Variants in PATJ observed in about 807,000 individuals in gnomAD.
PATJ encodes the protein PATJ crumbs cell polarity complex component, also known as inaD-like protein.
PATJ carries 190 observed loss-of-function variants against 224.9 expected under a neutral mutation model. The observed-to-expected ratio is 0.84, with a 90% CI of 0.75 to 0.95. The LOEUF is 0.95. Ranked by LOEUF, PATJ falls within the 40% of genes least tolerant of loss-of-function variation. The pLI is 0.00. For synonymous variants in PATJ, 769 were observed against 820.3 expected (o/e 0.94, Z 1.07); for missense variants, 2,121 against 2,270.3 (o/e 0.93, Z 1.34).
At chr1:61,901,121 CAT>C (rs1264209346) in intron 23 of PATJ, among the ~76,000 whole-genome samples, 159 bp from the exon 24 acceptor site, 1 of 152,150 alleles carries the variant, frequency 6.6e-6, no homozygotes, top group East Asian at 1.9e-4. Flanking sequence ...TTATTGATAA[CAT>C]AATGTTGGAA....
intron 22 of PATJ, 40 bp downstream of exon 22, chr1:61,884,448 GT>G: frequency 1.5e-6 from 1 of 651,980 alleles, no homozygotes; most frequent in Non-Finnish European, 2.1e-6. Flanking sequence ...TTATAAAATA[GT>G]GGTTTTTTTT....
intron 27 of PATJ, among the ~76,000 whole-genome samples, chr1:61,947,862 C>CAG (rs1285540571): frequency 6.6e-6 from 1 of 152,148 alleles, no homozygotes; most frequent in Non-Finnish European, 1.5e-5. Context: ...GGTACCAAAA[C>CAG]AGAGATATAG....
chr1:62,099,593 A>G (rs902334815), intron 33 of PATJ, among the ~76,000 whole-genome samples: 6 of 152,096 alleles, frequency 3.9e-5, no homozygotes, highest in African/African-American at 1.4e-4. Flanking sequence ...GATTGAGTTT[A>G]ATTCCAGAGT....
At chr1:62,067,175 G>A (rs868257955) in intron 31 of PATJ, among the ~76,000 whole-genome samples, 9 of 135,214 alleles carry the variant, frequency 6.7e-5, no homozygotes, top group Admixed American at 3.5e-4. Context: ...CACCCAGGCT[G>A]GAGTGCAGTG....
chr1:62,032,852 CTT>C (rs1365193398), intron 29 of PATJ, among the ~76,000 whole-genome samples: 1 of 152,084 alleles, frequency 6.6e-6, no homozygotes, highest in Admixed American at 6.5e-5. Flanking sequence ...CCTCAAGAAA[CTT>C]ATAATCACGG....
intron 21 of PATJ, among the ~76,000 whole-genome samples, chr1:61,878,681 T>TA (rs1667673293): frequency 1.3e-5 from 2 of 149,842 alleles, no homozygotes; most frequent in Admixed American, 6.6e-5. Flanking sequence ...CCATCTCTAT[T>TA]TAAAAAAAAA....
intron 27 of PATJ, among the ~76,000 whole-genome samples, chr1:61,979,575 C>T (rs909962015): frequency 3.3e-5 from 5 of 151,404 alleles, no homozygotes; most frequent in African/African-American, 1.2e-4. Context: ...GTGGCTTGAA[C>T]TCGGGAGGCG....
chr1:61,873,136 G>C (rs1666867159), intron 20 of PATJ, among the ~76,000 whole-genome samples: 1 of 151,858 alleles, frequency 6.6e-6, no homozygotes, highest in Non-Finnish European at 1.5e-5. Context: ...CTATAAAATA[G>C]TCATTTAAAT....
chr1:62,155,152 G>C (rs1669052766), intron 43 of PATJ, among the ~76,000 whole-genome samples: 1 of 152,164 alleles, frequency 6.6e-6, no homozygotes, highest in African/African-American at 2.4e-5. Flanking sequence ...CAGTGGGAAG[G>C]CTGCAGAGTT....
chr1:62,054,361 TC>T, intron 31 of PATJ: 1 of 438,518 alleles, frequency 2.3e-6, no homozygotes. Context: ...AAACCCTGTG[TC>T]CAAAAAAAAA....
At chr1:62,112,288 C>T (rs1663922955) in intron 34 of PATJ, among the ~76,000 whole-genome samples, 1 of 151,930 alleles carries the variant, frequency 6.6e-6, no homozygotes, top group African/African-American at 2.4e-5. Flanking sequence ...GGTGGATCAC[C>T]TAAGGTCAAG....
At chr1:61,878,168 C>T (rs551874849) in intron 21 of PATJ, among the ~76,000 whole-genome samples, 1 of 152,306 alleles carries the variant, frequency 6.6e-6, no homozygotes, top group African/African-American at 2.4e-5. Context: ...GAACCAGTTT[C>T]CTGTTCTGAA....
At chr1:61,893,499 TTC>T (rs199748342) in intron 22 of PATJ, among the ~76,000 whole-genome samples, 3 of 146,026 alleles carry the variant, frequency 2.1e-5, no homozygotes, top group South Asian at 2.2e-4. Context: ...TTTTTTTTTT[TTC>T]GCCAATTAAA....
At chr1:61,930,931 G>C (rs951662215) in intron 27 of PATJ, among the ~76,000 whole-genome samples, 1 of 152,078 alleles carries the variant, frequency 6.6e-6, no homozygotes, top group South Asian at 2.1e-4. Flanking sequence ...TGAAACTCCC[G>C]ACCTCAGGTG....
chr1:61,851,870 A>G (rs756705296), intron 17 of PATJ, among the ~76,000 whole-genome samples: 3 of 152,052 alleles, frequency 2.0e-5, no homozygotes, highest in South Asian at 2.1e-4. Flanking sequence ...GAGCAACTCA[A>G]TGGAGGGGTG....
At chr1:62,027,745 C>T (rs146685906) in intron 29 of PATJ, among the ~76,000 whole-genome samples, 2 of 146,844 alleles carry the variant, frequency 1.4e-5, no homozygotes, top group African/African-American at 2.5e-5. Context: ...TGATATTGAG[C>T]ATCTTTTCAT....
chr1:61,875,606 C>A, intron 21 of PATJ: 1 of 337,610 alleles, frequency 3.0e-6, no homozygotes, highest in Non-Finnish European at 5.6e-6. Context: ...CCTCATGTTG[C>A]ATTTTATTAG....
Position 61,856,064 on chromosome 1 carries a change from TC to T in PATJ, c.2149del (p.Arg717AlafsTer4). 2 of 1,614,138 alleles carry T rather than the reference TC, an allele frequency of 1.2e-6. No homozygotes were observed. The highest frequency in any genetic ancestry group is 1.7e-6 in the Non-Finnish European group (2 of 1,180,006). ...GATCCTACAAGATCAGTGATTGTGATCCGCTCCCTGGTAGCAGATGGTGTAG... is the reference window on the plus strand; with the variant it reads ...GATCCTACAAGATCAGTGATTGTGATCGCTCCCTGGTAGCAGATGGTGTAG... ...PLDPTRSVIV[I>X]RSLVADGVAE... On this transcript the variant is annotated frameshift_variant, in exon 18 of 44. Coordinates refer to ENST00000642238, the MANE Select transcript of PATJ (RefSeq NM_001350145.3). LOFTEE classifies it high-confidence loss of function.
At position 61,924,935 on chromosome 1, in the gene PATJ, G is replaced by A. The variant is rs372360069; in HGVS notation, c.3571-2795G>A. 6.0e-4 allele frequency among the ~76,000 whole-genome samples: 3 copies of A among 5,016 alleles called. 1 individual carries two copies. Among genetic ancestry groups the A allele is most frequent in the Non-Finnish European group, 7.0e-4 (2 of 2,866 alleles). 3.3% of individuals were successfully genotyped at this position (5,016 alleles called of 152,430 possible). ...TGTACAAAAAGACAGACAGGCGGCCGGGCGCGGTGGCTCACGCCTGTAATC... is the reference window on the plus strand; with the variant it reads ...TGTACAAAAAGACAGACAGGCGGCCAGGCGCGGTGGCTCACGCCTGTAATC... On this transcript the variant is annotated intron_variant, in intron 26 of 43. Transcript: ENST00000642238.
Sources: gnomAD v4.1 joint callset for allele counts (sites outside exome capture counted in the v4.1 genomes callset) on GRCh38, gnomAD v4.1.1 for gene constraint, MANE v1.5 for transcripts, NCBI Gene and HGNC (gene_info 2026-07-23, HGNC 2026-07-21) for gene names.